Variants in INSR observed in about 807,000 individuals in gnomAD.
The protein encoded by INSR is insulin receptor.
In INSR, 67 loss-of-function variants were observed where a neutral mutation model predicts 142.6. The ratio of observed to expected loss-of-function variants is 0.47; its 90% CI spans 0.39 to 0.58. The LOEUF (loss-of-function observed/expected upper bound fraction) is 0.58. Ranked by LOEUF, INSR falls within the 20% of genes least tolerant of loss-of-function variation. INSR has a pLI of 0.00. For missense variants in INSR, 1,248 were observed against 1,833.2 expected, an observed-to-expected ratio of 0.68 and a Z score of 5.83; for synonymous variants, 756 against 743.1, an observed-to-expected ratio of 1.02 and a Z score of -0.28.
Position 7,124,540 on chromosome 19 carries a change from G to GAAA in INSR, c.3258+742_3258+743insTTT, listed in dbSNP as rs1972576085. ...CACAACAAAGCGAGACTCCGTTTCA[G>GAAA]GAAAAAAAAAAAAAAAAAAAAAAAA... On this transcript the variant is annotated intron_variant, in intron 17 of 21. Coordinates refer to ENST00000302850, the MANE Select transcript of INSR (RefSeq NM_000208.4). Among the ~76,000 whole-genome samples the GAAA allele has an allele frequency of 2.8e-4, 3 of 10,810 alleles. 1 individual carries two copies. The highest frequency in any genetic ancestry group is 4.5e-4 in the Non-Finnish European group (3 of 6,668). 7.1% of individuals were successfully genotyped at this position (10,810 alleles called of 152,430 possible).
rs1400529673 is a variant in INSR at position 7,122,899 on chromosome 19, A to T, written c.3349T>A (p.Ser1117Thr). ...CTTACCTCAGCCTCTGGCCGCAGAGAACGGAGGTAGCTCTTCAGGTCTCCG... is the reference window on the plus strand; with the variant it reads ...CTTACCTCAGCCTCTGGCCGCAGAGTACGGAGGTAGCTCTTCAGGTCTCCG... ...AHGDLKSYLR[S>T]LRPEAENNPG... Residue 1117 changes from serine to threonine, a missense_variant, in exon 18 of 22, where the codon TCT (serine) becomes ACT (threonine). By Grantham distance (58) the Ser-to-Thr change is moderately conservative (BLOSUM62 1). Around this residue, in one of 3 missense-constraint regions of INSR, gnomAD observed 1,069 missense variants for 1,654.0 expected, o/e 0.65. Coordinates refer to ENST00000302850, the MANE Select transcript of INSR (RefSeq NM_000208.4). 1.1e-5 allele frequency: 17 copies of T among 1,608,494 alleles called. 1 individual carries two copies. In the South Asian group the frequency reaches 1.8e-4, roughly 17 times the overall value.
chr19:7,209,944 A>G (rs997168073), intron 2 of INSR, among the ~76,000 whole-genome samples: 24 of 152,288 alleles, frequency 1.6e-4, no homozygotes, highest in African/African-American at 5.8e-4. Flanking sequence ...ATACTAACAA[A>G]GGGCTGGAAA....
chr19:7,214,390 C>T (rs921960014), intron 2 of INSR, among the ~76,000 whole-genome samples: 1 of 152,192 alleles, frequency 6.6e-6, no homozygotes, highest in African/African-American at 2.4e-5. Flanking sequence ...GCTAGGCCGC[C>T]GACTGCCTAA....
At chr19:7,155,931 G>A (rs1046592794) in intron 9 of INSR, among the ~76,000 whole-genome samples, 1 of 149,492 alleles carries the variant, frequency 6.7e-6, no homozygotes. Flanking sequence ...GAAAAAGAAA[G>A]AAGAAGGAGA....
chr19:7,247,674 T>C (rs73492809), intron 2 of INSR, among the ~76,000 whole-genome samples: 9,893 of 152,218 alleles, frequency 0.065, 1,000 homozygotes, highest in African/African-American at 0.22. Flanking sequence ...GTCCTCATGA[T>C]AGAAGAAAAA....
intron 2 of INSR, among the ~76,000 whole-genome samples, chr19:7,242,734 C>CAAA (rs71177186): frequency 0.16 from 14,488 of 91,878 alleles, 1,529 homozygotes; most frequent in African/African-American, 0.17. Context: ...GAGACTGCCT[C>CAAA]AAAAAAAAAA....
intron 13 of INSR, among the ~76,000 whole-genome samples, chr19:7,139,912 G>A (rs8100585): frequency 6.7e-6 from 1 of 149,978 alleles, no homozygotes; most frequent in African/African-American, 2.5e-5. Context: ...CAACCTTTGC[G>A]TCCCGGGTTC....
chr19:7,261,439 T>C (rs1230962577), intron 2 of INSR, among the ~76,000 whole-genome samples: 4 of 152,146 alleles, frequency 2.6e-5, no homozygotes, highest in Admixed American at 2.6e-4. Flanking sequence ...TTGCCCCAAA[T>C]CCATTGCAGG....
chr19:7,120,925 A>C (rs1341669878), intron 19 of INSR, among the ~76,000 whole-genome samples, 176 bp from the exon 20 acceptor site: 1 of 152,152 alleles, frequency 6.6e-6, no homozygotes, highest in East Asian at 1.9e-4. Flanking sequence ...CGCATGGGGA[A>C]GTGAAGGGGG....
chr19:7,198,692 T>G lies in INSR; in HGVS notation c.653-14055A>C, dbSNP rs1599996680. ...CTCGCCGGGCCAGTGCACCCTCTAT[T>G]CTCACCCACCACTCACCCAGAAAAC... is the stretch of plus-strand genomic sequence containing the variant. On this transcript the variant is annotated intron_variant, in intron 2 of 21. Transcript: ENST00000302850. Among the ~76,000 whole-genome samples the G allele has an allele frequency of 2.0e-5, 3 of 152,142 alleles. No individual in the cohort carries two copies. The South Asian group carries it at 6.2e-4, about 32-fold the overall frequency.
At chr19:7,253,299 C>T (rs1038324137) in intron 2 of INSR, among the ~76,000 whole-genome samples, 2 of 151,960 alleles carry the variant, frequency 1.3e-5, no homozygotes, top group Non-Finnish European at 2.9e-5. Flanking sequence ...AGTGCAGTGA[C>T]GTGATCTCGA....
At chr19:7,140,633 T>C (rs770065321) in intron 13 of INSR, among the ~76,000 whole-genome samples, 48 of 152,218 alleles carry the variant, frequency 3.2e-4, no homozygotes, top group Non-Finnish European at 5.1e-4. Flanking sequence ...TTGTACTTCC[T>C]CAGTCCCAAG....
In INSR at chr19:7,269,030, C is replaced by CACACA. The variant is rs1555690124; in HGVS notation, c.101-1135_101-1134insTGTGT. ...AGATGGCTTCTCTCTGCCAACACAC[C>CACACA]CACACACCCACACACACACACACAC... On this transcript the variant is annotated intron_variant, in intron 1 of 21. Transcript: ENST00000302850. 6.9e-4 allele frequency among the ~76,000 whole-genome samples: 83 copies of CACACA among 120,988 alleles called. No homozygotes were observed. The East Asian group carries it at 0.022, about 32-fold the overall frequency. The allele number at this position is 120,988 out of a possible 152,430, so 79.4% of individuals were successfully genotyped here. A position where few individuals can be genotyped will look rare whatever the true frequency, so the allele number is the denominator to read the frequency against.
At chr19:7,184,189 A>T in intron 3 of INSR, 127 bp downstream of exon 3, 3 of 810,836 alleles carry the variant, frequency 3.7e-6, no homozygotes, top group South Asian at 1.5e-5. Flanking sequence ...AGCATCTGAG[A>T]GCAGAGACCT....
chr19:7,188,436 C>T lies in INSR; in HGVS notation c.653-3799G>A, dbSNP rs150338756. ...TGGTGGGCGCCTGTAATCCCAGCTA[C>T]TCAGCTACTCAGAAGGCTGAGGCAC... On this transcript the variant is annotated intron_variant, in intron 2 of 21. Transcript: ENST00000302850. 4.3e-3 allele frequency among the ~76,000 whole-genome samples: 643 copies of T among 150,942 alleles called. 6 individuals are homozygous for T. The highest frequency in any genetic ancestry group is 0.015 in the African/African-American group (610 of 41,094).
At chr19:7,140,545 T>C (rs1973043609) in intron 13 of INSR, among the ~76,000 whole-genome samples, 1 of 152,220 alleles carries the variant, frequency 6.6e-6, no homozygotes, top group Non-Finnish European at 1.5e-5. Flanking sequence ...ATCATGATTC[T>C]ATTCTTCCAG....
Position 7,119,729 on chromosome 19 carries a change from C to T in INSR, c.3660-146G>A, listed in dbSNP as rs149013063. On this transcript the variant is annotated intron_variant, in intron 20 of 21. Transcript: ENST00000302850. The surrounding 1 kb of genome is among the most constrained non-coding windows in gnomAD (Gnocchi z 5.2). ...ATGCAAACACACACATGCAAACACA[C>T]ACGCACATACACGTGCACACACATG... 3.5e-6 allele frequency: 3 copies of T among 860,886 alleles called. No individual in the cohort carries two copies. In the East Asian group the frequency reaches 7.8e-5, roughly 23 times the overall value. 53.3% of individuals were successfully genotyped at this position (860,886 alleles called of 1,614,324 possible).
chr19:7,265,957 T>C (rs2145205877), intron 2 of INSR, among the ~76,000 whole-genome samples: 1 of 152,224 alleles, frequency 6.6e-6, no homozygotes, highest in Non-Finnish European at 1.5e-5. Flanking sequence ...TAGCCTTCAC[T>C]GATGAAAACC....
intron 13 of INSR, among the ~76,000 whole-genome samples, chr19:7,137,985 A>ATGGAGTCTCACTCTGTCGCCCAGGC (rs1972979153): frequency 7.6e-6 from 1 of 131,010 alleles, no homozygotes; most frequent in African/African-American, 2.9e-5. Context: ...TTTTTTTGAG[A>ATGGAGTCTCACTCTGTCGCCCAGGC]TGGAGTCTCA....
Sources: allele counts gnomAD v4.1 joint callset (sites outside exome capture counted in the v4.1 genomes callset), GRCh38; gene constraint gnomAD v4.1.1; regional missense constraint gnomAD v4.1.1; non-coding constraint Gnocchi (gnomAD v3.1); transcripts MANE v1.5; gene names NCBI Gene and HGNC (gene_info 2026-07-23, HGNC 2026-07-21).